Variants in TRIO observed in about 807,000 individuals in gnomAD.
The protein encoded by TRIO is trio Rho guanine nucleotide exchange factor.
In TRIO, 58 loss-of-function variants were observed where a neutral mutation model predicts 351.9. That is an observed-to-expected ratio of 0.16 (90% confidence interval 0.13 to 0.21). The LOEUF (loss-of-function observed/expected upper bound fraction) is 0.21, where lower values mean the gene tolerates loss of function less well. TRIO is among the 10% of genes least tolerant of loss of function. TRIO has a pLI of 1.00. For synonymous variants in TRIO, 1,758 were observed against 1,595.7 expected (o/e 1.10, Z -2.42); for missense variants, 3,201 against 4,027.8 (o/e 0.79, Z 5.56).
At chr5:14,304,431 A>G in intron 7 of TRIO, 30 bp from the exon 8 acceptor site, 6 of 1,587,954 alleles carry the variant, frequency 3.8e-6, no homozygotes, top group Non-Finnish European at 4.3e-6. Flanking sequence ...ATTGTCATTG[A>G]TAGAAATAAT....
At chr5:14,281,817 T>G (rs1462711791) in intron 3 of TRIO, among the ~76,000 whole-genome samples, 2 of 152,202 alleles carry the variant, frequency 1.3e-5, no homozygotes, top group East Asian at 3.8e-4. Flanking sequence ...TAATATGGGC[T>G]GGCTAGATAG....
intron 35 of TRIO, 98 bp downstream of exon 35, chr5:14,461,409 C>G: frequency 7.2e-7 from 1 of 1,383,640 alleles, no homozygotes; most frequent in Non-Finnish European, 9.4e-7. Context: ...TGGTTTGGTT[C>G]TGTTTTCCGC....
intron 34 of TRIO, among the ~76,000 whole-genome samples, chr5:14,457,876 C>G (rs745505766): frequency 3.3e-5 from 5 of 152,092 alleles, no homozygotes; most frequent in Admixed American, 6.5e-5. Context: ...AGGCTTCATA[C>G]CACTCCTATG....
chr5:14,438,539 C>T (rs1373839178), intron 34 of TRIO, among the ~76,000 whole-genome samples: 9 of 152,204 alleles, frequency 5.9e-5, no homozygotes, highest in East Asian at 1.9e-4. Context: ...CCCACCCTCA[C>T]GGCCATGGTT....
At chr5:14,244,362 A>G (rs1455058524) in intron 1 of TRIO, among the ~76,000 whole-genome samples, 2 of 152,288 alleles carry the variant, frequency 1.3e-5, no homozygotes, top group East Asian at 3.9e-4. Flanking sequence ...AAATGGGGCA[A>G]ATATCATGGA....
chr5:14,151,721 C>T lies in TRIO; in HGVS notation c.157+7839C>T, dbSNP rs16903230. On this transcript the variant is annotated intron_variant, in intron 1 of 56. Transcript: ENST00000344204. ...ATTCATTTTGCTTTGCTTCCTCTTGCATTGACCCATCCACTTTTTCAAGTT... is the reference window on the plus strand; with the variant it reads ...ATTCATTTTGCTTTGCTTCCTCTTGTATTGACCCATCCACTTTTTCAAGTT... 9.1e-3 allele frequency among the ~76,000 whole-genome samples: 1,380 copies of T among 152,312 alleles called. 88 individuals carry two copies. The highest frequency in any genetic ancestry group is 0.08 in the Admixed American group (1,224 of 15,298).
chr5:14,147,708 G>A (rs1787598123), intron 1 of TRIO, among the ~76,000 whole-genome samples: 1 of 152,202 alleles, frequency 6.6e-6, no homozygotes, highest in South Asian at 2.1e-4. Context: ...ATTTTGATAT[G>A]ACGGTTTCCT....
At chr5:14,192,726 C>T (rs1239584082) in intron 1 of TRIO, among the ~76,000 whole-genome samples, 1 of 152,206 alleles carries the variant, frequency 6.6e-6, no homozygotes, top group Non-Finnish European at 1.5e-5. Context: ...CATTAACTCA[C>T]TGACTTACTC....
Position 14,500,704 on chromosome 5 carries a change from AT to A in TRIO, c.8333-1874del, listed in dbSNP as rs1278476593. Among the ~76,000 whole-genome samples the A allele has an allele frequency of 4.6e-5, 7 of 152,226 alleles. No homozygotes were observed. The South Asian group carries it at 1.0e-3, about 23-fold the overall frequency. On this transcript the variant is annotated intron_variant, in intron 53 of 56. Transcript: ENST00000344204. ...AGCCCAGGAGTTAGAGACCAGCAAC[AT>A]GGCAAAACACCATCTCTACAAAAAT...
Position 14,492,639 on chromosome 5 carries a change from G to A in TRIO, c.7705G>A (p.Glu2569Lys). 1 of 1,614,238 alleles carries A rather than the reference G, an allele frequency of 6.2e-7. No individual in the cohort carries two copies. Among genetic ancestry groups the A allele is most frequent in the Non-Finnish European group, 8.5e-7 (1 of 1,180,046 alleles). The change falls in exon 49 of 57, where the codon GAG becomes AAG. Residue 2569 changes from glutamate to lysine, a missense_variant. Physicochemically the swap from Glu to Lys is moderately conservative, Grantham distance 56. Coordinates refer to ENST00000344204, the MANE Select transcript of TRIO (RefSeq NM_007118.4). ...CGATTACACGGCAGTGAAGGAGGAT[G>A]AGATCAACGTCTACCAAGGAGAGGT... is the stretch of plus-strand genomic sequence containing the variant. Reference protein sequence around the residue: ...THDYTAVKEDEINVYQGEVVQ... With the variant: ...THDYTAVKEDKINVYQGEVVQ...
chr5:14,459,493 G>A (rs916698355), intron 34 of TRIO, among the ~76,000 whole-genome samples: 42 of 152,340 alleles, frequency 2.8e-4, no homozygotes, highest in African/African-American at 7.7e-4. Flanking sequence ...CAGCTTTCAC[G>A]CTCACTGGTG....
At chr5:14,329,099 A>G (rs888570585) in intron 9 of TRIO, among the ~76,000 whole-genome samples, 20 of 152,108 alleles carry the variant, frequency 1.3e-4, no homozygotes, top group African/African-American at 4.1e-4. Flanking sequence ...TTTTCCCCCT[A>G]TATCTATGAA....
chr5:14,357,930 C>T (rs756804062), intron 11 of TRIO, among the ~76,000 whole-genome samples: 8 of 152,244 alleles, frequency 5.3e-5, no homozygotes, highest in Admixed American at 1.3e-4. Context: ...TGCTGCCCGC[C>T]GTTCGCCTGT....
chr5:14,347,667 A>C (rs1742549207), intron 11 of TRIO, among the ~76,000 whole-genome samples: 1 of 152,234 alleles, frequency 6.6e-6, no homozygotes, highest in Non-Finnish European at 1.5e-5. Context: ...GCTGCATTAA[A>C]AGCTTTGCAA....
intron 47 of TRIO, among the ~76,000 whole-genome samples, chr5:14,486,983 C>T (rs1250247127): frequency 6.6e-6 from 1 of 152,156 alleles, no homozygotes; most frequent in East Asian, 1.9e-4. Flanking sequence ...TAAGAAAACT[C>T]AGGCACCCAA....
chr5:14,343,053 T>C (rs1405768288), intron 11 of TRIO, among the ~76,000 whole-genome samples: 1 of 151,396 alleles, frequency 6.6e-6, no homozygotes, highest in Non-Finnish European at 1.5e-5. Context: ...CTTTTTACTT[T>C]TTATTTTGAA....
chr5:14,475,872 T>C (rs2126576233), intron 40 of TRIO, among the ~76,000 whole-genome samples: 1 of 152,306 alleles, frequency 6.6e-6, no homozygotes, highest in Admixed American at 6.5e-5. Flanking sequence ...TTAATTGGCA[T>C]GGTGGTTTAT....
At chr5:14,408,550 C>G (rs1163715320) in intron 33 of TRIO, among the ~76,000 whole-genome samples, 1 of 152,028 alleles carries the variant, frequency 6.6e-6, no homozygotes, top group African/African-American at 2.4e-5. Flanking sequence ...TCTCCGAGAC[C>G]CCACCTATGG....
intron 19 of TRIO, among the ~76,000 whole-genome samples, chr5:14,375,386 TC>T (rs1745466648): frequency 6.6e-5 from 10 of 152,190 alleles, no homozygotes; most frequent in African/African-American, 9.7e-5. Flanking sequence ...GATATTGTGG[TC>T]CTTTTTAGGT....
Sources: gnomAD v4.1 joint callset for allele counts (sites outside exome capture counted in the v4.1 genomes callset) on GRCh38, gnomAD v4.1.1 for gene constraint, MANE v1.5 for transcripts, NCBI Gene and HGNC (gene_info 2026-07-23, HGNC 2026-07-21) for gene names.